Variants in LOC128462377 observed in about 807,000 individuals in gnomAD.
At chr16:89,380,188 C>T in the LOC128462377 span, among the ~76,000 whole-genome samples, 1 of 152,176 alleles carries the variant, frequency 6.6e-6, no homozygotes, top group Non-Finnish European at 1.5e-5. Context: ...TCTCGGCTCA[C>T]TTCAACACCC....
At chr16:89,361,443 A>G in the LOC128462377 span, 6 of 152,224 alleles carry the variant, frequency 3.9e-5, no homozygotes, top group African/African-American at 1.4e-4. Flanking sequence ...TCATCATTCA[A>G]CTTTGAAACT....
At chr16:89,390,118 G>A in the LOC128462377 span, among the ~76,000 whole-genome samples, 2 of 63,452 alleles carry the variant, frequency 3.2e-5, no homozygotes, top group South Asian at 5.1e-4. Flanking sequence ...GGCGAACACC[G>A]AGTGTGGCGT....
chr16:89,364,979 T>C, the LOC128462377 span, among the ~76,000 whole-genome samples: 36 of 152,240 alleles, frequency 2.4e-4, 1 homozygote, highest in Admixed American at 2.0e-3. Context: ...AATTTTGGCA[T>C]GGAAATCACA....
chr16:89,395,396 G>A, the LOC128462377 span, among the ~76,000 whole-genome samples: 279 of 152,318 alleles, frequency 1.8e-3, no homozygotes, highest in Non-Finnish European at 1.4e-3. Flanking sequence ...GACATGGTCC[G>A]CTTGCTACTG....
At chr16:89,323,744 A>G in the LOC128462377 span, 1 of 249,080 alleles carries the variant, frequency 4.0e-6, no homozygotes. Flanking sequence ...CAAGAGTCCA[A>G]CTCTCTCTCC....
At chr16:89,356,575 T>A in the LOC128462377 span, among the ~76,000 whole-genome samples, 1 of 145,666 alleles carries the variant, frequency 6.9e-6, no homozygotes, top group African/African-American at 2.6e-5. Context: ...ATCGAGACCA[T>A]CCTGGCTAAC....
the LOC128462377 span, among the ~76,000 whole-genome samples, chr16:89,327,418 T>A: frequency 6.6e-6 from 1 of 151,874 alleles, no homozygotes; most frequent in South Asian, 2.1e-4. Context: ...AAGGAAGAAA[T>A]GGAATAAAAC....
At chr16:89,416,275 G>A in the LOC128462377 span, among the ~76,000 whole-genome samples, 1 of 151,946 alleles carries the variant, frequency 6.6e-6, no homozygotes, top group African/African-American at 2.4e-5. Flanking sequence ...CCTTTAATCA[G>A]AGAAGCCTGT....
chr16:89,341,944 CA>C, the LOC128462377 span, among the ~76,000 whole-genome samples: 1 of 150,024 alleles, frequency 6.7e-6, no homozygotes, highest in African/African-American at 2.5e-5. Flanking sequence ...GCACCTCCTC[CA>C]CGAACAGCAG....
the LOC128462377 span, among the ~76,000 whole-genome samples, chr16:89,397,189 C>G: frequency 6.6e-6 from 1 of 152,160 alleles, no homozygotes; most frequent in South Asian, 2.1e-4. Flanking sequence ...CCACGTCCAA[C>G]GGCGTCTCAC....
At chr16:89,364,659 C>G in the LOC128462377 span, among the ~76,000 whole-genome samples, 1 of 152,190 alleles carries the variant, frequency 6.6e-6, no homozygotes, top group African/African-American at 2.4e-5. Context: ...AGCTGATAAG[C>G]TTAGAAAAAA....
chr16:89,409,287 A>G, the LOC128462377 span, among the ~76,000 whole-genome samples: 2 of 152,220 alleles, frequency 1.3e-5, no homozygotes, highest in Non-Finnish European at 2.9e-5. Context: ...CTAGGCTACA[A>G]GAAAGCTCAA....
chr16:89,335,773 G>C, the LOC128462377 span, among the ~76,000 whole-genome samples: 1 of 152,190 alleles, frequency 6.6e-6, no homozygotes, highest in African/African-American at 2.4e-5. Flanking sequence ...GACAGTGAGA[G>C]GCCCCAGTGT....
chr16:89,381,481 C>A, the LOC128462377 span, among the ~76,000 whole-genome samples: 2 of 151,836 alleles, frequency 1.3e-5, no homozygotes, highest in Non-Finnish European at 2.9e-5. Flanking sequence ...TGTAACAGCC[C>A]CAACATTAAA....
chr16:89,392,425 C>A, the LOC128462377 span: 1 of 152,050 alleles, frequency 6.6e-6, no homozygotes, highest in South Asian at 2.1e-4. Flanking sequence ...TTCATGTTTT[C>A]TTACATTTTC....
the LOC128462377 span, among the ~76,000 whole-genome samples, chr16:89,328,587 G>A: frequency 3.3e-5 from 5 of 150,626 alleles, no homozygotes; most frequent in Non-Finnish European, 5.9e-5. Context: ...ACACCCAGGC[G>A]TACGGGTGAA....
the LOC128462377 span, among the ~76,000 whole-genome samples, chr16:89,366,167 T>C: frequency 2.0e-5 from 3 of 151,916 alleles, no homozygotes; most frequent in East Asian, 3.9e-4. Context: ...GATCTCATTC[T>C]TTTTCATGGC....
the LOC128462377 span, chr16:89,320,288 T>G: frequency 1.3e-5 from 2 of 152,264 alleles, no homozygotes; most frequent in Admixed American, 1.3e-4. Context: ...GGGGAGACTC[T>G]TCCCTGGAAG....
the LOC128462377 span, among the ~76,000 whole-genome samples, chr16:89,357,562 T>C: frequency 1.3e-5 from 2 of 152,202 alleles, no homozygotes; most frequent in Non-Finnish European, 1.5e-5. Flanking sequence ...CAAAAGACAG[T>C]TGTACTTCGA....
Sources: allele counts gnomAD v4.1 joint callset (sites outside exome capture counted in the v4.1 genomes callset), GRCh38; gene constraint gnomAD v4.1.1; transcripts MANE v1.5.